Variants in CHST11 observed in about 807,000 individuals in gnomAD.
CHST11 encodes C4S-1.
In CHST11, 9 loss-of-function variants were observed where a neutral mutation model predicts 30.4. The ratio of observed to expected loss-of-function variants is 0.30; its 90% CI spans 0.18 to 0.52. The LOEUF is 0.52. CHST11 is among the 20% of genes least tolerant of loss of function. The pLI is 0.97. For synonymous variants in CHST11, 152 were observed against 187.8 expected (o/e 0.81, Z 1.56); for missense variants, 348 against 460.6 (o/e 0.76, Z 2.24).
At chr12:104,529,563 G>A (rs1230097276) in intron 1 of CHST11, among the ~76,000 whole-genome samples, 1 of 152,202 alleles carries the variant, frequency 6.6e-6, no homozygotes, top group Non-Finnish European at 1.5e-5. Flanking sequence ...CCTAGGACTG[G>A]TTCTGCAGGT....
chr12:104,494,243 C>T (rs951470841), intron 1 of CHST11, among the ~76,000 whole-genome samples: 4 of 152,132 alleles, frequency 2.6e-5, no homozygotes, highest in East Asian at 1.9e-4. Flanking sequence ...GATGCCGTGC[C>T]GATGAGAGAC....
At chr12:104,499,045 A>G (rs1227882204) in intron 1 of CHST11, among the ~76,000 whole-genome samples, 1 of 151,966 alleles carries the variant, frequency 6.6e-6, no homozygotes, top group Non-Finnish European at 1.5e-5. Flanking sequence ...TTTTCCTCCC[A>G]TGGCTGGTTT....
At chr12:104,641,536 G>A (rs1030833709) in intron 2 of CHST11, among the ~76,000 whole-genome samples, 2 of 152,142 alleles carry the variant, frequency 1.3e-5, no homozygotes, top group Non-Finnish European at 2.9e-5. Context: ...GCCCCTGCCA[G>A]CACCCATGTA....
chr12:104,696,741 A>T (rs2039950936), intron 2 of CHST11, among the ~76,000 whole-genome samples: 1 of 152,178 alleles, frequency 6.6e-6, no homozygotes, highest in African/African-American at 2.4e-5. Flanking sequence ...TCTCCCCTTC[A>T]TCCCTGCCTC....
intron 2 of CHST11, among the ~76,000 whole-genome samples, chr12:104,733,242 A>G (rs1268475709): frequency 6.6e-6 from 1 of 152,264 alleles, no homozygotes; most frequent in East Asian, 1.9e-4. Flanking sequence ...TTTTTGCTAG[A>G]TGCAAAATCT....
chr12:104,700,923 AC>A (rs756050666), intron 2 of CHST11, among the ~76,000 whole-genome samples: 4 of 152,192 alleles, frequency 2.6e-5, no homozygotes, highest in Non-Finnish European at 5.9e-5. Context: ...ATCCTGACCA[AC>A]ATAGTGAAAC....
intron 2 of CHST11, among the ~76,000 whole-genome samples, chr12:104,746,162 G>T (rs1259728373): frequency 6.6e-6 from 1 of 152,134 alleles, no homozygotes; most frequent in Non-Finnish European, 1.5e-5. Flanking sequence ...AGATCTATGT[G>T]GCATCAGCCA....
chr12:104,678,844 C>T (rs1191249697), intron 2 of CHST11, among the ~76,000 whole-genome samples: 3 of 152,156 alleles, frequency 2.0e-5, no homozygotes, highest in African/African-American at 7.2e-5. Context: ...ATACTCAAAA[C>T]AGTCCTCAGG....
At chr12:104,570,906 G>A (rs1395271062) in intron 1 of CHST11, among the ~76,000 whole-genome samples, 1 of 152,128 alleles carries the variant, frequency 6.6e-6, no homozygotes, top group Non-Finnish European at 1.5e-5. Flanking sequence ...GACCAGGCTG[G>A]TCTCGAACTC....
chr12:104,635,583 C>T (rs189310382), intron 2 of CHST11, among the ~76,000 whole-genome samples: 36 of 152,294 alleles, frequency 2.4e-4, no homozygotes, highest in African/African-American at 7.5e-4. Context: ...TTGATGGCTT[C>T]GCCGTTTTCC....
chr12:104,528,926 G>T (rs2038154431), intron 1 of CHST11, among the ~76,000 whole-genome samples: 1 of 152,186 alleles, frequency 6.6e-6, no homozygotes, highest in Non-Finnish European at 1.5e-5. Context: ...GAAGGGAGGT[G>T]AGAAGAATAA....
At chr12:104,562,440 G>C (rs2038523128) in intron 1 of CHST11, among the ~76,000 whole-genome samples, 1 of 152,156 alleles carries the variant, frequency 6.6e-6, no homozygotes, top group African/African-American at 2.4e-5. Flanking sequence ...AAAAAGCGCA[G>C]AGCCCGTAAT....
At chr12:104,749,493 A>G (rs1342552980) in intron 2 of CHST11, among the ~76,000 whole-genome samples, 3 of 152,224 alleles carry the variant, frequency 2.0e-5, no homozygotes, top group African/African-American at 7.2e-5. Context: ...GAGAAAGGGA[A>G]TGTAAGAAGA....
intron 2 of CHST11, among the ~76,000 whole-genome samples, chr12:104,718,056 G>A (rs191769307): frequency 6.6e-4 from 100 of 152,336 alleles, no homozygotes; most frequent in Non-Finnish European, 1.2e-3. Context: ...ACGTGCCAGC[G>A]TTGGTTGCAT....
At chr12:104,462,854 T>G (rs1170672719) in intron 1 of CHST11, among the ~76,000 whole-genome samples, 2 of 152,186 alleles carry the variant, frequency 1.3e-5, no homozygotes, top group East Asian at 3.8e-4. Context: ...TGTTTGCACC[T>G]CGATGGAGCA....
At chr12:104,669,126 G>T (rs941910392) in intron 2 of CHST11, among the ~76,000 whole-genome samples, 4 of 152,186 alleles carry the variant, frequency 2.6e-5, no homozygotes, top group Admixed American at 2.0e-4. Context: ...GCACAGGCTC[G>T]CACAATCGCC....
chr12:104,666,072 C>T (rs1476917786), intron 2 of CHST11, among the ~76,000 whole-genome samples: 4 of 152,088 alleles, frequency 2.6e-5, no homozygotes, highest in Non-Finnish European at 4.4e-5. Context: ...CCCGCCTCGG[C>T]CTCCCAAAGT....
At chr12:104,648,491 T>C (rs910371125) in intron 2 of CHST11, among the ~76,000 whole-genome samples, 1 of 152,106 alleles carries the variant, frequency 6.6e-6, no homozygotes, top group Non-Finnish European at 1.5e-5. Context: ...ACTCAGAGAC[T>C]CTCATGAAGG....
At chr12:104,574,602 C>G (rs1172744810) in intron 1 of CHST11, among the ~76,000 whole-genome samples, 1 of 151,808 alleles carries the variant, frequency 6.6e-6, no homozygotes, top group Non-Finnish European at 1.5e-5. Flanking sequence ...AGCAAACTAT[C>G]GCAAGGACAA....
Sources: gnomAD v4.1 joint callset for allele counts (sites outside exome capture counted in the v4.1 genomes callset) on GRCh38, gnomAD v4.1.1 for gene constraint, MANE v1.5 for transcripts, NCBI Gene and HGNC (gene_info 2026-07-23, HGNC 2026-07-21) for gene names.